LGR5: variants seen among roughly 807,000 people sequenced by gnomAD.
LGR5 encodes leucine rich repeat containing G protein-coupled receptor 5.
In LGR5, 54 loss-of-function variants were observed where a neutral mutation model predicts 76.7. That is an observed-to-expected ratio of 0.70 (90% CI 0.57 to 0.88). The LOEUF (loss-of-function observed/expected upper bound fraction) is 0.88, where lower values mean the gene tolerates loss of function less well. Ranked by LOEUF, LGR5 falls within the 40% of genes least tolerant of loss-of-function variation. The pLI is 0.00. For missense variants in LGR5, 1,078 were observed against 1,073.3 expected (o/e 1.00, Z -0.06); for synonymous variants, 406 against 421.9 (o/e 0.96, Z 0.46).
rs575680385 is a variant in LGR5, at chr12:71,457,617, ATAGT to A, written c.212+17330_212+17333del. 2.1e-3 allele frequency among the ~76,000 whole-genome samples: 327 copies of A among 152,298 alleles called. 2 individuals are homozygous for A. Among genetic ancestry groups the A allele is most frequent in the African/African-American group, 7.0e-3 (292 of 41,568 alleles). ...AACCATTGTAAATCCAGGGATTTACATAGTTAGTGCTATGTAACTAAACAAGGTT... is the reference window on the plus strand; with the variant it reads ...AACCATTGTAAATCCAGGGATTTACATAGTGCTATGTAACTAAACAAGGTT... On this transcript the variant is annotated intron_variant, in intron 1 of 17. Coordinates refer to ENST00000266674, the MANE Select transcript of LGR5 (RefSeq NM_003667.4).
In LGR5 at chr12:71,494,193, G is replaced by A. The variant is rs183869349; in HGVS notation, c.213-10421G>A. Among the ~76,000 whole-genome samples the A allele has an allele frequency of 6.8e-3, 1,020 of 150,730 alleles. 57 individuals carry two copies. The highest frequency in any genetic ancestry group is 0.023 in the African/African-American group (945 of 40,226). The stretch of plus-strand genomic sequence containing the variant: ...GATCTCCTGACCTCGTGATCTGCCC[G>A]CCTCGGCCTCCCAAAGTGCTGGGAT... On this transcript the variant is annotated intron_variant, in intron 1 of 17. Coordinates refer to ENST00000266674, the MANE Select transcript of LGR5 (RefSeq NM_003667.4).
At chr12:71,497,242 G>T (rs1874370348) in intron 1 of LGR5, among the ~76,000 whole-genome samples, 1 of 152,100 alleles carries the variant, frequency 6.6e-6, no homozygotes, top group Non-Finnish European at 1.5e-5. Context: ...TTGGGACTTG[G>T]AGGTTGTGGC....
intron 7 of LGR5, among the ~76,000 whole-genome samples, chr12:71,560,708 C>T (rs1344510836): frequency 6.6e-6 from 1 of 152,178 alleles, no homozygotes; most frequent in Non-Finnish European, 1.5e-5. Context: ...ACGAGAATTG[C>T]TTTGAACCAG....
chr12:71,536,859 C>T (rs145104747), intron 4 of LGR5, among the ~76,000 whole-genome samples: 364 of 152,292 alleles, frequency 2.4e-3, no homozygotes, highest in African/African-American at 8.5e-3. Context: ...TCACTGTTCA[C>T]CAGGTGTCTC....
intron 13 of LGR5, among the ~76,000 whole-genome samples, chr12:71,577,046 T>G (rs966064099): frequency 6.6e-6 from 1 of 152,186 alleles, no homozygotes; most frequent in Non-Finnish European, 1.5e-5. Flanking sequence ...CAAATGAGAA[T>G]GTAAATATTC....
In LGR5 at chr12:71,556,651, G is replaced by A; in HGVS notation, c.677G>A (p.Gly226Glu). 1.2e-6 allele frequency: 2 copies of A among 1,612,944 alleles called. No individual in the cohort carries two copies. The highest frequency in any genetic ancestry group is 1.7e-6 in the Non-Finnish European group (2 of 1,178,956). Residue 226 changes from glycine (G) to glutamate (E), a missense_variant, in exon 6 of 18, where the codon GGA becomes GAA. Physicochemically the swap from Gly to Glu is moderately conservative, Grantham distance 98. Coordinates refer to ENST00000266674, the MANE Select transcript of LGR5 (RefSeq NM_003667.4). ...CATAACAATAGAATCCACTCCCTGG[G>A]AAAGAAATGCTTTGATGGGCTCCAC... ...HLHNNRIHSL[G>E]KKCFDGLHSL...
At chr12:71,474,004 G>T (rs748919992) in intron 1 of LGR5, among the ~76,000 whole-genome samples, 23 of 152,218 alleles carry the variant, frequency 1.5e-4, no homozygotes, top group Non-Finnish European at 2.4e-4. Flanking sequence ...CAAATCTCAT[G>T]CACTAAAATC....
At chr12:71,527,014 T>C (rs572429688) in intron 3 of LGR5, among the ~76,000 whole-genome samples, 1 of 152,220 alleles carries the variant, frequency 6.6e-6, no homozygotes, top group Non-Finnish European at 1.5e-5. Flanking sequence ...GGAGTCCCAG[T>C]TGCAGGGATC....
intron 2 of LGR5, among the ~76,000 whole-genome samples, chr12:71,509,776 C>G (rs559910234): frequency 6.6e-6 from 1 of 152,134 alleles, no homozygotes; most frequent in Admixed American, 6.5e-5. Context: ...TTCCCAGATT[C>G]TAGTGCTATT....
intron 4 of LGR5, among the ~76,000 whole-genome samples, chr12:71,540,529 C>G (rs1003478780): frequency 9.2e-5 from 14 of 152,120 alleles, no homozygotes; most frequent in African/African-American, 3.4e-4. Context: ...ATGATATCAT[C>G]TTCAGGGCTA....
intron 1 of LGR5, among the ~76,000 whole-genome samples, chr12:71,500,613 T>C (rs1467774737): frequency 3.3e-5 from 5 of 151,940 alleles, no homozygotes; most frequent in African/African-American, 1.2e-4. Context: ...AATTTTTATT[T>C]ATTTATTTAT....
At chr12:71,548,678 T>C (rs1877320420) in intron 4 of LGR5, among the ~76,000 whole-genome samples, 3 of 152,304 alleles carry the variant, frequency 2.0e-5, no homozygotes, top group South Asian at 2.1e-4. Context: ...CCCTATAAGA[T>C]GGGAGTTATC....
intron 2 of LGR5, among the ~76,000 whole-genome samples, chr12:71,507,621 A>G (rs1043990426): frequency 6.6e-6 from 1 of 152,188 alleles, no homozygotes; most frequent in African/African-American, 2.4e-5. Context: ...ATAGTCTTCG[A>G]TAATATTTTT....
chr12:71,582,337 G>A, intron 16 of LGR5, 119 bp from the exon 17 acceptor site: 1 of 779,342 alleles, frequency 1.3e-6, no homozygotes, highest in Non-Finnish European at 2.1e-6. Flanking sequence ...AAGAAAGCTA[G>A]AGCACAAGGA....
rs143945528 is a variant in LGR5, at chr12:71,488,131, A to C, written c.213-16483A>C. ...GCAATTGCTTTGGTTAGTGAGCTAT[A>C]CTTTGAACAGTAGACTTTAGAGGAT... On this transcript the variant is annotated intron_variant, in intron 1 of 17. Coordinates refer to ENST00000266674, the MANE Select transcript of LGR5 (RefSeq NM_003667.4). Among the ~76,000 whole-genome samples the C allele has an allele frequency of 2.2e-3, 333 of 152,344 alleles. 2 individuals carry two copies. The highest frequency in any genetic ancestry group is 8.3e-3 in the Admixed American group (127 of 15,302).
intron 1 of LGR5, among the ~76,000 whole-genome samples, chr12:71,445,256 CCTTTATAGAGCCTCA>C (rs1181240145): frequency 6.6e-6 from 1 of 152,150 alleles, no homozygotes; most frequent in African/African-American, 2.4e-5. Flanking sequence ...GCAATATTTT[CCTTTATAGAGCCTCA>C]TTTTGTAGTA....
intron 1 of LGR5, among the ~76,000 whole-genome samples, chr12:71,444,876 A>AT (rs769889469): frequency 1.7e-4 from 26 of 152,214 alleles, no homozygotes; most frequent in Non-Finnish European, 3.1e-4. Flanking sequence ...AGCTATCAAA[A>AT]TTAAAGACAT....
rs138645504 is a variant in LGR5 at position 71,552,006 on chromosome 12, C to T, written c.429-1067C>T. Among the ~76,000 whole-genome samples, 357 of 151,752 alleles carry T rather than the reference C, an allele frequency of 2.4e-3. 1 individual carries two copies. The highest frequency in any genetic ancestry group is 8.0e-3 in the African/African-American group (332 of 41,336). On this transcript the variant is annotated intron_variant, in intron 4 of 17. Transcript: ENST00000266674. ...TGTTTTCCCTGAGGCATGTCTCTAA[C>T]AGTCTTTAAAAATGTACTCAGTTCC...
intron 11 of LGR5, among the ~76,000 whole-genome samples, chr12:71,570,785 A>T (rs1878573464): frequency 6.6e-6 from 1 of 152,212 alleles, no homozygotes; most frequent in Non-Finnish European, 1.5e-5. Context: ...GATTTTTCCC[A>T]TTGCATAGTG....
Sources: allele counts gnomAD v4.1 joint callset (sites outside exome capture counted in the v4.1 genomes callset), GRCh38; gene constraint gnomAD v4.1.1; transcripts MANE v1.5; gene names NCBI Gene and HGNC (gene_info 2026-07-23, HGNC 2026-07-21).